The following SRD5A3 variants were observed in gnomAD, a reference collection of about 807,000 sequenced individuals.
SRD5A3 encodes the protein polyprenal reductase.
In SRD5A3, 24 loss-of-function variants were observed where a neutral mutation model predicts 34.3. The ratio of observed to expected loss-of-function variants is 0.70; its 90% CI spans 0.51 to 0.99. SRD5A3 has a LOEUF of 0.99. Ranked by LOEUF, SRD5A3 falls within the 50% of genes least tolerant of loss-of-function variation. The probability of loss-of-function intolerance (pLI) is 0.00; values close to 1 mark genes in which losing one functional copy is unlikely to be tolerated. For synonymous variants in SRD5A3, 161 were observed against 167.3 expected (o/e 0.96, Z 0.29); for missense variants, 350 against 388.2 (o/e 0.90, Z 0.83).
intron 1 of SRD5A3, among the ~76,000 whole-genome samples, chr4:55,347,312 T>C (rs763129221): frequency 1.3e-5 from 2 of 152,244 alleles, no homozygotes; most frequent in Non-Finnish European, 2.9e-5. Flanking sequence ...TTCGAGATGG[T>C]AGAAATAGAA....
intron 1 of SRD5A3, among the ~76,000 whole-genome samples, chr4:55,354,827 C>T (rs13124164): frequency 0.48 from 72,504 of 151,740 alleles, 18,002 homozygotes; most frequent in East Asian, 0.84. Flanking sequence ...TGCGCGCGTG[C>T]GTGCGCGCGT....
In SRD5A3 at chr4:55,346,491, A is replaced by C. The variant is rs763603834; in HGVS notation, c.155A>C (p.Tyr52Ser). Residue 52 changes from tyrosine (Y) to serine (S), a missense_variant, in exon 1 of 5, where the codon TAT becomes TCT. By Grantham distance (144) the Tyr-to-Ser change is moderately radical. This residue lies in a region of SRD5A3 where 159 missense variants were observed against 149.1 expected (regional missense o/e 1.07). Transcript: ENST00000264228. ...GCAIFQDLIR[Y>S]GKTKCGEPSR... is the part of the protein sequence containing the mutation. ...GCGATCTTCCAGGACCTGATCCGCT[A>C]TGGGAAAACCAAGTGTGGGGAGCCG... The C allele has an allele frequency of 6.2e-7, 1 of 1,603,812 alleles. No individual in the cohort carries two copies. Among genetic ancestry groups the C allele is most frequent in the Non-Finnish European group, 8.5e-7 (1 of 1,175,936 alleles).
rs886059475 is a variant in SRD5A3, at chr4:55,371,658, T to C, written c.*1567T>C. On this transcript the variant is annotated 3_prime_UTR_variant, in exon 5 of 5. Transcript: ENST00000264228. ...CTGTTAAACTAAGATTCCTTTGTTT[T>C]TTTTGTTTTTTTGAGATGGAGTCTC... is the stretch of plus-strand genomic sequence containing the variant. The C allele has an allele frequency of 2.0e-5, 3 of 152,190 alleles. No individual in the cohort carries two copies. Among genetic ancestry groups the C allele is most frequent in the Non-Finnish European group, 4.4e-5 (3 of 68,054 alleles). The allele number at this position is 152,190 out of a possible 1,614,324, so 9.4% of individuals were successfully genotyped here. A position where few individuals can be genotyped will look rare whatever the true frequency, so the allele number is the denominator to read the frequency against.
chr4:55,367,784 G>A (rs1297239818), intron 4 of SRD5A3, 62 bp downstream of exon 4: 5 of 1,604,242 alleles, frequency 3.1e-6, no homozygotes, highest in Non-Finnish European at 3.4e-6. Flanking sequence ...GTTCTCCATG[G>A]TCCTGCATGC....
At chr4:55,350,909 T>C (rs540309589) in intron 1 of SRD5A3, among the ~76,000 whole-genome samples, 2 of 150,556 alleles carry the variant, frequency 1.3e-5, no homozygotes, top group South Asian at 4.2e-4. Context: ...ATTACAGGCA[T>C]GTGACACCAC....
chr4:55,359,385 T>G lies in SRD5A3; in HGVS notation c.261T>G (p.Asn87Lys). The change falls in exon 2 of 5, where the codon AAT (asparagine) becomes AAG (lysine). Residue 87 changes from asparagine (N) to lysine (K), a missense_variant. By Grantham distance (94) the Asn-to-Lys change is moderately conservative. Coordinates refer to ENST00000264228, the MANE Select transcript of SRD5A3 (RefSeq NM_024592.5). ...SHFYIISVLWNGFLLWCLTQS... is the reference protein window; with the variant it reads ...SHFYIISVLWKGFLLWCLTQS... ...TTTATATCATCTCAGTGCTGTGGAA[T>G]GGCTTCCTGCTTTGGTGCCTTACTC... 6.2e-7 allele frequency: 1 copy of G among 1,614,202 alleles called. No individual in the cohort carries two copies. Among genetic ancestry groups the G allele is most frequent in the Non-Finnish European group, 8.5e-7 (1 of 1,180,038 alleles).
intron 1 of SRD5A3, among the ~76,000 whole-genome samples, chr4:55,356,406 T>C (rs774301547): frequency 6.6e-6 from 1 of 152,230 alleles, no homozygotes; most frequent in Admixed American, 6.5e-5. Context: ...TAGCTTTAAA[T>C]ACATTCATCT....
chr4:55,362,071 G>A (rs959885549), intron 2 of SRD5A3, among the ~76,000 whole-genome samples: 69 of 151,842 alleles, frequency 4.5e-4, no homozygotes, highest in African/African-American at 1.6e-3. Flanking sequence ...TGTTCCCCAT[G>A]GGAAGTTTGG....
At chr4:55,351,830 A>G in intron 1 of SRD5A3, 1 of 535,862 alleles carries the variant, frequency 1.9e-6, no homozygotes, top group South Asian at 1.5e-5. Flanking sequence ...AAGGGGCTCC[A>G]TAATCATCTG....
chr4:55,364,629 T>G, intron 3 of SRD5A3: 1 of 294,566 alleles, frequency 3.4e-6, no homozygotes, highest in Non-Finnish European at 6.6e-6. Context: ...GGCAGGAGAA[T>G]TGCTTGAAAC....
rs539356325 is a variant in SRD5A3, at chr4:55,362,750, T to C, written c.365-1324T>C. 1.4e-4 allele frequency among the ~76,000 whole-genome samples: 21 copies of C among 151,904 alleles called. No homozygotes were observed. In the South Asian group the frequency reaches 4.4e-3, roughly 32 times the overall value. On this transcript the variant is annotated intron_variant, in intron 2 of 4. Coordinates refer to ENST00000264228, the MANE Select transcript of SRD5A3 (RefSeq NM_024592.5). ...TTCTGTTTCTGGATCTGGGTGCTGT[T>C]ACATGGGTGGGATTGGTTGGCTTAA...
At chr4:55,348,081 A>G (rs902618524) in intron 1 of SRD5A3, among the ~76,000 whole-genome samples, 1 of 152,222 alleles carries the variant, frequency 6.6e-6, no homozygotes, top group Non-Finnish European at 1.5e-5. Context: ...CTGTTATTAC[A>G]TGACAGCCAA....
intron 1 of SRD5A3, among the ~76,000 whole-genome samples, chr4:55,354,238 C>G (rs2109466557): frequency 6.6e-6 from 1 of 152,186 alleles, no homozygotes. Flanking sequence ...GCTGGGACTA[C>G]AGGGGTGTGC....
chr4:55,351,249 T>C (rs1578201387), intron 1 of SRD5A3, among the ~76,000 whole-genome samples: 1 of 151,862 alleles, frequency 6.6e-6, no homozygotes, highest in Non-Finnish European at 1.5e-5. Context: ...TTTTTGCATT[T>C]TTAGTAGAAA....
chr4:55,354,446 T>G (rs1205133483), intron 1 of SRD5A3, among the ~76,000 whole-genome samples: 1 of 152,170 alleles, frequency 6.6e-6, no homozygotes, highest in Non-Finnish European at 1.5e-5. Context: ...CCCCAAACCA[T>G]AGAGTAGCTT....
rs769544072 is a variant in SRD5A3 at position 55,359,412 on chromosome 4, A to G, written c.288A>G (p.Gln96=). The change falls in exon 2 of 5, where the codon CAA becomes CAG. Residue 96 remains glutamine (Q), a synonymous_variant. Transcript: ENST00000264228. Reference sequence around the variant, plus strand: ...GCTTCCTGCTTTGGTGCCTTACTCAATCTCTGTTCCTGGGAGCACCTTTTC... The same window carrying G: ...GCTTCCTGCTTTGGTGCCTTACTCAGTCTCTGTTCCTGGGAGCACCTTTTC... ...WNGFLLWCLT[Q]SLFLGAPFPS... is the part of the protein sequence containing the mutation. 6 of 1,613,442 alleles carry G rather than the reference A, an allele frequency of 3.7e-6. No individual in the cohort carries two copies. Among genetic ancestry groups the G allele is most frequent in the East Asian group, 2.2e-5 (1 of 44,850 alleles).
intron 1 of SRD5A3, among the ~76,000 whole-genome samples, chr4:55,358,535 CAAAAA>C (rs576702969): frequency 8.9e-6 from 1 of 112,762 alleles, no homozygotes; most frequent in Non-Finnish European, 1.7e-5. Flanking sequence ...GACCCTGTCT[CAAAAA>C]AAAAAAAAAA....
intron 1 of SRD5A3, among the ~76,000 whole-genome samples, chr4:55,358,303 G>A (rs1010229623): frequency 3.9e-5 from 6 of 152,108 alleles, no homozygotes; most frequent in Non-Finnish European, 8.8e-5. Flanking sequence ...GCCAAGGTGG[G>A]AGGGATCTCT....
At chr4:55,367,423 C>T (rs1043000566) in intron 3 of SRD5A3, among the ~76,000 whole-genome samples, 165 bp from the exon 4 acceptor site, 5 of 152,118 alleles carry the variant, frequency 3.3e-5, no homozygotes, top group African/African-American at 1.2e-4. Context: ...GAAATTACAT[C>T]GGGATATTGA....
Sources: allele counts gnomAD v4.1 joint callset (sites outside exome capture counted in the v4.1 genomes callset), GRCh38; gene constraint gnomAD v4.1.1; regional missense constraint gnomAD v4.1.1; transcripts MANE v1.5; gene names NCBI Gene and HGNC (gene_info 2026-07-23, HGNC 2026-07-21).